Variants in FXR2 observed in about 807,000 individuals in gnomAD.
FXR2 encodes RNA-binding protein FXR2.
FXR2 carries 9 observed loss-of-function variants against 87.3 expected under a neutral mutation model. The observed-to-expected ratio is 0.10, with a 90% CI of 0.06 to 0.18. The LOEUF is 0.18. Among genes scored for constraint, FXR2 ranks in the 10% least tolerant of loss-of-function variants. The probability of loss-of-function intolerance (pLI) is 1.00; values close to 1 mark genes in which losing one functional copy is unlikely to be tolerated. For missense variants in FXR2, 661 were observed against 893.6 expected, an observed-to-expected ratio of 0.74 and a Z score of 3.32; for synonymous variants, 331 against 328.3, an observed-to-expected ratio of 1.01 and a Z score of -0.09.
chr17:7,614,438 G>C lies in FXR2; in HGVS notation c.81+14C>G. 6.6e-7 allele frequency: 1 copy of C among 1,523,366 alleles called. No homozygotes were observed. The highest frequency in any genetic ancestry group is 1.2e-5 in the South Asian group (1 of 82,548). 94.4% of individuals were successfully genotyped at this position (1,523,366 alleles called of 1,614,324 possible). ...GGCTAAGGACCGGCGTCCCCAGTCG[G>C]CGCGCCGTCTCACCTTGTAGAAGGC... On this transcript the variant is annotated intron_variant, in intron 1 of 16. Transcript: ENST00000250113.
chr17:7,591,877 G>C lies in FXR2; in HGVS notation c.1975C>G (p.Leu659Val). 1 of 1,606,754 alleles carries C rather than the reference G, an allele frequency of 6.2e-7. No homozygotes were observed. The highest frequency in any genetic ancestry group is 8.5e-7 in the Non-Finnish European group (1 of 1,173,348). ...LPKGPSENGE[L>V]SAPLELGSMV... The stretch of plus-strand genomic sequence containing the variant: ...CTACCCAACTCCAAGGGGGCGGAGA[G>C]CTCCCCATTCTCCGAGGGGCCCTTA... The change falls in exon 17 of 17, where the codon CTC becomes GTC. Residue 659 changes from leucine to valine, a missense_variant. By Grantham distance (32) the Leu-to-Val change is conservative. Around this residue, in one of 3 missense-constraint regions of FXR2, gnomAD observed 409 missense variants for 432.0 expected, o/e 0.95. Coordinates refer to ENST00000250113, the MANE Select transcript of FXR2 (RefSeq NM_004860.4). This position sits in a 1 kb window ranked among gnomAD's most constrained non-coding sequence, Gnocchi z 4.0.
Position 7,602,194 on chromosome 17 carries a change from C to T in FXR2, c.544-669G>A, listed in dbSNP as rs202036776. ...ATCCCAGCACTTTGGGAGGCCAAGG[C>T]GGGCGGATCACGACGTCAGGAGTTC... On this transcript the variant is annotated intron_variant, in intron 6 of 16. Coordinates refer to ENST00000250113, the MANE Select transcript of FXR2 (RefSeq NM_004860.4). 3.0e-4 allele frequency among the ~76,000 whole-genome samples: 46 copies of T among 152,280 alleles called. No individual in the cohort carries two copies. In the East Asian group the frequency reaches 7.5e-3, roughly 25 times the overall value.
chr17:7,606,044 C>T, intron 2 of FXR2, 53 bp downstream of exon 2: 1 of 1,203,682 alleles, frequency 8.3e-7, no homozygotes, highest in Middle Eastern at 1.9e-4. Flanking sequence ...CCCCTCTTCT[C>T]CACTCTCCTT....
chr17:7,614,811 GC>G lies in FXR2; in HGVS notation c.-280del, dbSNP rs1417111400. ...GTCACCTCAGCTTCCGCCCGCCGCCGCCCCCGCTGCTGCCTCAGTCCCGGGA... is the reference window on the plus strand; with the variant it reads ...GTCACCTCAGCTTCCGCCCGCCGCCGCCCCGCTGCTGCCTCAGTCCCGGGA... On this transcript the variant is annotated 5_prime_UTR_variant, in exon 1 of 17. Coordinates refer to ENST00000250113, the MANE Select transcript of FXR2 (RefSeq NM_004860.4). 5.4e-6 allele frequency: 1 copy of G among 185,722 alleles called. No homozygotes were observed. Among genetic ancestry groups the G allele is most frequent in the Non-Finnish European group, 1.1e-5 (1 of 91,008 alleles). The allele number at this position is 185,722 out of a possible 1,614,324, so 11.5% of individuals were successfully genotyped here. A position where few individuals can be genotyped will look rare whatever the true frequency, so the allele number is the denominator to read the frequency against.
At chr17:7,610,218 T>TGA (rs2071852482) in intron 1 of FXR2, among the ~76,000 whole-genome samples, 1 of 152,000 alleles carries the variant, frequency 6.6e-6, no homozygotes, top group Non-Finnish European at 1.5e-5. Flanking sequence ...TCCGCTGACT[T>TGA]TATCCAGTTC....
intron 7 of FXR2, among the ~76,000 whole-genome samples, chr17:7,599,768 C>A (rs2150943113): frequency 6.6e-6 from 1 of 152,240 alleles, no homozygotes; most frequent in African/African-American, 2.4e-5. Flanking sequence ...ATCCCAGCTA[C>A]TTGGGAGGCT....
intron 3 of FXR2, 58 bp downstream of exon 3, chr17:7,605,587 A>G: frequency 1.1e-6 from 1 of 890,406 alleles, no homozygotes; most frequent in Non-Finnish European, 1.8e-6. Flanking sequence ...CAACCAGAGA[A>G]AAGCCTAGAA....
At chr17:7,596,777 A>C (rs1425106947) in intron 7 of FXR2, among the ~76,000 whole-genome samples, 1 of 152,202 alleles carries the variant, frequency 6.6e-6, no homozygotes, top group Non-Finnish European at 1.5e-5. Context: ...ATATCAACTC[A>C]TCCCCAAATA....
chr17:7,602,336 C>T (rs1464024595), intron 6 of FXR2, among the ~76,000 whole-genome samples: 1 of 152,168 alleles, frequency 6.6e-6, no homozygotes, highest in Admixed American at 6.6e-5. Flanking sequence ...GAGGCCGAGG[C>T]GGGTGGATCA....
intron 7 of FXR2, among the ~76,000 whole-genome samples, chr17:7,598,716 A>G (rs142331290): frequency 0.01 from 1,535 of 152,206 alleles, 12 homozygotes; most frequent in Admixed American, 0.016. Flanking sequence ...AAAAAACAAC[A>G]ACAAAAATTA....
chr17:7,609,933 TATATATACATGTATATGTATAC>T (rs1555572209), intron 1 of FXR2, among the ~76,000 whole-genome samples: 5 of 103,946 alleles, frequency 4.8e-5, no homozygotes, highest in African/African-American at 1.5e-4. Context: ...TGTATATGTA[TATATATACATGTATATGTATAC>T]ATATATATAC....
chr17:7,593,145 T>A lies in FXR2; in HGVS notation c.1367A>T (p.Glu456Val), dbSNP rs763207198. 1 of 1,551,454 alleles carries A rather than the reference T, an allele frequency of 6.4e-7. No homozygotes were observed. Among genetic ancestry groups the A allele is most frequent in the East Asian group, 2.3e-5 (1 of 44,370 alleles). The change falls in exon 13 of 17, where the codon GAG (glutamate) becomes GTG (valine). Residue 456 changes from glutamate to valine, a missense_variant. By Grantham distance (121) the Glu-to-Val change is moderately radical. Coordinates refer to ENST00000250113, the MANE Select transcript of FXR2 (RefSeq NM_004860.4). The surrounding 1 kb of genome is among the most constrained non-coding windows in gnomAD (Gnocchi z 6.1). ...SSDVSTASET[E>V]SEKREEPNRA... ...GTTGGGCTCCTCTCTCTTCTCTGACTCAGTCTCTGAAGCTGTAGACACATC... is the reference window on the plus strand; with the variant it reads ...GTTGGGCTCCTCTCTCTTCTCTGACACAGTCTCTGAAGCTGTAGACACATC...
Position 7,591,839 on chromosome 17 carries a change from C to G in FXR2, c.2013G>C (p.Gly671=). The part of the protein sequence containing the change: ...APLELGSMVN[G]VS ...GTGCAGGTTGGAGGTTTTATGAAACCCCATTCACCATACTACCCAACTCCA... is the reference window on the plus strand; with the variant it reads ...GTGCAGGTTGGAGGTTTTATGAAACGCCATTCACCATACTACCCAACTCCA... The change falls in exon 17 of 17, where the codon GGG becomes GGC. Residue 671 remains glycine, a synonymous_variant. Transcript: ENST00000250113. The surrounding 1 kb of genome is among the most constrained non-coding windows in gnomAD (Gnocchi z 4.0). 6 of 1,548,828 alleles carry G rather than the reference C, an allele frequency of 3.9e-6. No individual in the cohort carries two copies. Among genetic ancestry groups the G allele is most frequent in the Non-Finnish European group, 5.4e-6 (6 of 1,120,502 alleles).
chr17:7,607,441 AT>A (rs1304420031), intron 1 of FXR2, among the ~76,000 whole-genome samples: 3 of 151,598 alleles, frequency 2.0e-5, no homozygotes, highest in African/African-American at 7.3e-5. Context: ...ATAATCCTTT[AT>A]TTTTAGACAG....
chr17:7,596,025 G>T, intron 7 of FXR2, 31 bp from the exon 8 acceptor site: 1 of 1,578,424 alleles, frequency 6.3e-7, no homozygotes, highest in Non-Finnish European at 8.7e-7. Flanking sequence ...AGGAATCATG[G>T]TGGTAGAATC....
chr17:7,605,980 C>T lies in FXR2; in HGVS notation c.134+117G>A, dbSNP rs1334220451. ...CTCTCCTGGGATCCATATGAGTTCC[C>T]ACCCAAACCCTCAGCTCTCCCAACC... is the stretch of plus-strand genomic sequence containing the variant. On this transcript the variant is annotated intron_variant, in intron 2 of 16. Transcript: ENST00000250113. The T allele has an allele frequency of 1.6e-5, 12 of 737,712 alleles. No individual in the cohort carries two copies. The East Asian group carries it at 3.0e-4, about 18-fold the overall frequency. The allele number at this position is 737,712 out of a possible 1,614,324, so 45.7% of individuals were successfully genotyped here.
chr17:7,593,474 TGGA>T lies in FXR2; in HGVS notation c.1256_1258del (p.Leu419del). 6.3e-7 allele frequency: 1 copy of T among 1,590,350 alleles called. No individual in the cohort carries two copies. Among genetic ancestry groups the T allele is most frequent in the Non-Finnish European group, 8.6e-7 (1 of 1,169,560 alleles). On this transcript the variant is annotated inframe_deletion, in exon 12 of 17. Coordinates refer to ENST00000250113, the MANE Select transcript of FXR2 (RefSeq NM_004860.4). This position sits in a 1 kb window ranked among gnomAD's most constrained non-coding sequence, Gnocchi z 6.1. ...GCTGCCCCCATAGGTTCGAGTCGCA[TGGA>T]GGGAGGAGGAGGAGCTCTCATCAGT...
At chr17:7,600,400 G>A (rs2071744978) in intron 7 of FXR2, among the ~76,000 whole-genome samples, 1 of 151,666 alleles carries the variant, frequency 6.6e-6, no homozygotes, top group Non-Finnish European at 1.5e-5. Flanking sequence ...GGTTTCACCA[G>A]TCTCGACTCC....
chr17:7,599,859 C>CA (rs1319614659), intron 7 of FXR2, among the ~76,000 whole-genome samples: 4 of 152,304 alleles, frequency 2.6e-5, no homozygotes, highest in African/African-American at 9.6e-5. Context: ...GCCTGGGCGA[C>CA]AGAGACGCTA....
Sources: allele counts gnomAD v4.1 joint callset (sites outside exome capture counted in the v4.1 genomes callset), GRCh38; gene constraint gnomAD v4.1.1; regional missense constraint gnomAD v4.1.1; non-coding constraint Gnocchi (gnomAD v3.1); transcripts MANE v1.5; gene names NCBI Gene and HGNC (gene_info 2026-07-23, HGNC 2026-07-21).